The following LSAMP variants were observed in gnomAD, a reference collection of about 807,000 sequenced individuals.
LSAMP encodes the protein limbic system-associated membrane protein.
LSAMP carries 7 observed loss-of-function variants against 38.6 expected under a neutral mutation model. That is an observed-to-expected ratio of 0.18 (90% CI 0.10 to 0.34). The LOEUF (loss-of-function observed/expected upper bound fraction) is 0.34. LSAMP is among the 10% of genes least tolerant of loss of function. The pLI is 1.00. For synonymous variants in LSAMP, 154 were observed against 166.8 expected, an observed-to-expected ratio of 0.92 and a Z score of 0.59; for missense variants, 313 against 420.0, an observed-to-expected ratio of 0.75 and a Z score of 2.23.
chr3:116,043,933 G>A (rs955461156), intron 2 of LSAMP, among the ~76,000 whole-genome samples: 3 of 152,204 alleles, frequency 2.0e-5, no homozygotes, highest in Admixed American at 6.5e-5. Flanking sequence ...GCGAAAGAGC[G>A]AGACTCCGTC....
chr3:116,443,332 C>T (rs1044472765), intron 1 of LSAMP, among the ~76,000 whole-genome samples: 2 of 152,150 alleles, frequency 1.3e-5, no homozygotes, highest in African/African-American at 4.8e-5. Flanking sequence ...GGCTGAAGAG[C>T]TAGAAGGGAA....
At chr3:116,397,258 T>G (rs910675915) in intron 1 of LSAMP, among the ~76,000 whole-genome samples, 2 of 152,144 alleles carry the variant, frequency 1.3e-5, no homozygotes, top group African/African-American at 4.8e-5. Context: ...ACTTTAGACA[T>G]GTGGGCTAGA....
intron 6 of LSAMP, among the ~76,000 whole-genome samples, chr3:115,829,921 C>T (rs564675404): frequency 6.6e-6 from 1 of 152,198 alleles, no homozygotes; most frequent in South Asian, 2.1e-4. Flanking sequence ...CTGCAAATAT[C>T]AGTGCTTTTA....
In LSAMP at chr3:116,445,261, C is replaced by A; in HGVS notation, c.-230G>T. The stretch of plus-strand genomic sequence containing the variant: ...CAAGCAGAAGGGTGAAAAGTAAAAG[C>A]AACACAATTTCAAAAGAGAGAGTGC... On this transcript the variant is annotated 5_prime_UTR_variant, in exon 1 of 7. Coordinates refer to ENST00000490035, the MANE Select transcript of LSAMP (RefSeq NM_002338.5). The A allele has an allele frequency of 1.7e-6, 1 of 590,680 alleles. No individual in the cohort carries two copies. Among genetic ancestry groups the A allele is most frequent in the Non-Finnish European group, 3.0e-6 (1 of 332,922 alleles). 36.6% of individuals were successfully genotyped at this position (590,680 alleles called of 1,614,324 possible).
At chr3:115,845,648 C>A (rs1044890786) in intron 4 of LSAMP, among the ~76,000 whole-genome samples, 1 of 152,146 alleles carries the variant, frequency 6.6e-6, no homozygotes, top group Non-Finnish European at 1.5e-5. Flanking sequence ...CCGTCCCACC[C>A]CAGGGTTGCC....
chr3:115,835,159 A>G (rs1050891403), intron 6 of LSAMP, among the ~76,000 whole-genome samples: 1 of 152,222 alleles, frequency 6.6e-6, no homozygotes, highest in East Asian at 1.9e-4. Flanking sequence ...CATCAAGGTA[A>G]TAAATTCTTA....
Position 116,259,694 on chromosome 3 carries a change from C to T in LSAMP, c.156-173138G>A, listed in dbSNP as rs145293431. Reference sequence around the variant, plus strand: ...TGGTGGTGTTGGTATGCAATCATTTCGTAAAGTTGCTTGCAAAAATATGTT... The same window carrying T: ...TGGTGGTGTTGGTATGCAATCATTTTGTAAAGTTGCTTGCAAAAATATGTT... On this transcript the variant is annotated intron_variant, in intron 1 of 6. Coordinates refer to ENST00000490035, the MANE Select transcript of LSAMP (RefSeq NM_002338.5). 5.2e-3 allele frequency among the ~76,000 whole-genome samples: 795 copies of T among 152,108 alleles called. 1 individual carries two copies. The highest frequency in any genetic ancestry group is 0.018 in the African/African-American group (763 of 41,494).
chr3:116,031,538 C>CTTTTTTTTTTT (rs56951507), intron 2 of LSAMP, among the ~76,000 whole-genome samples: 26 of 60,276 alleles, frequency 4.3e-4, no homozygotes, highest in Admixed American at 7.0e-4. Flanking sequence ...AGCCTAAATT[C>CTTTTTTTTTTT]TTTTTTTTTT....
At chr3:116,387,864 C>T (rs554437087) in intron 1 of LSAMP, among the ~76,000 whole-genome samples, 2 of 151,770 alleles carry the variant, frequency 1.3e-5, no homozygotes, top group Admixed American at 1.3e-4. Context: ...GAGGCTGAGG[C>T]GGGTGGATCA....
intron 3 of LSAMP, among the ~76,000 whole-genome samples, chr3:115,884,297 T>C (rs1412833220): frequency 6.6e-6 from 1 of 152,008 alleles, no homozygotes; most frequent in African/African-American, 2.4e-5. Flanking sequence ...AGAACAATCT[T>C]AAACATCAAG....
At chr3:116,317,517 G>T (rs1195319421) in intron 1 of LSAMP, among the ~76,000 whole-genome samples, 1 of 151,918 alleles carries the variant, frequency 6.6e-6, no homozygotes, top group Non-Finnish European at 1.5e-5. Flanking sequence ...CACCACGTCT[G>T]GCTAATTTTT....
intron 6 of LSAMP, among the ~76,000 whole-genome samples, chr3:115,834,407 C>T (rs1934715448): frequency 6.6e-6 from 1 of 151,972 alleles, no homozygotes; most frequent in Non-Finnish European, 1.5e-5. Context: ...TTGGAAGCAA[C>T]TAATTGGCTT....
chr3:115,997,006 G>T (rs1939833900), intron 3 of LSAMP, among the ~76,000 whole-genome samples: 1 of 152,120 alleles, frequency 6.6e-6, no homozygotes. Flanking sequence ...GTGACCATGT[G>T]ACTCACTCTC....
At chr3:116,384,242 CG>C (rs1005575759) in intron 1 of LSAMP, among the ~76,000 whole-genome samples, 3 of 152,130 alleles carry the variant, frequency 2.0e-5, no homozygotes, top group African/African-American at 7.2e-5. Context: ...TGCTACCTCA[CG>C]TCTCAATTTG....
intron 1 of LSAMP, among the ~76,000 whole-genome samples, chr3:116,347,048 A>T (rs2048072361): frequency 6.6e-6 from 1 of 152,218 alleles, no homozygotes; most frequent in Non-Finnish European, 1.5e-5. Context: ...CTAATACAGA[A>T]AACCAACTAT....
chr3:116,432,791 G>C (rs2049298238), intron 1 of LSAMP, among the ~76,000 whole-genome samples: 1 of 152,040 alleles, frequency 6.6e-6, no homozygotes, highest in South Asian at 2.1e-4. Flanking sequence ...CAATCTAGAG[G>C]TTTATCCAAT....
chr3:116,219,670 G>A (rs941862544), intron 1 of LSAMP, among the ~76,000 whole-genome samples: 9 of 152,130 alleles, frequency 5.9e-5, no homozygotes, highest in Non-Finnish European at 8.8e-5. Flanking sequence ...AATCAATGAC[G>A]TGAAAAGGCG....
At chr3:116,185,336 C>A (rs147212052) in intron 1 of LSAMP, among the ~76,000 whole-genome samples, 123 of 151,992 alleles carry the variant, frequency 8.1e-4, no homozygotes, top group African/African-American at 2.8e-3. Flanking sequence ...ATGTGGCCAG[C>A]TCTTAACCCT....
At chr3:116,031,619 A>ATGTAGAGACGGAGGT (rs1940928628) in intron 2 of LSAMP, among the ~76,000 whole-genome samples, 1 of 120,970 alleles carries the variant, frequency 8.3e-6, no homozygotes, top group Non-Finnish European at 1.7e-5. Context: ...TGTTCTTTGC[A>ATGTAGAGACGGAGGT]TGTAGAGACG....
Sources: allele counts gnomAD v4.1 joint callset (sites outside exome capture counted in the v4.1 genomes callset), GRCh38; gene constraint gnomAD v4.1.1; transcripts MANE v1.5; gene names NCBI Gene and HGNC (gene_info 2026-07-23, HGNC 2026-07-21).